LIG1: variants seen among roughly 807,000 people sequenced by gnomAD.
The protein encoded by LIG1 is DNA ligase 1.
In LIG1, 70 loss-of-function variants were observed where a neutral mutation model predicts 115.7. The ratio of observed to expected loss-of-function variants is 0.60; its 90% CI spans 0.50 to 0.74. The LOEUF is 0.74. Ranked by LOEUF, LIG1 falls within the 30% of genes least tolerant of loss-of-function variation. The pLI is 0.00. For missense variants in LIG1, 1,115 were observed against 1,225.6 expected, an observed-to-expected ratio of 0.91 and a Z score of 1.35; for synonymous variants, 487 against 495.3, an observed-to-expected ratio of 0.98 and a Z score of 0.22.
intron 5 of LIG1, among the ~76,000 whole-genome samples, chr19:48,156,161 G>A (rs150982109): frequency 6.6e-6 from 1 of 151,984 alleles, no homozygotes; most frequent in East Asian, 1.9e-4. Context: ...CGCTCTACAC[G>A]CCAGCACACC....
In LIG1 at chr19:48,170,288, G is replaced by T. The variant is rs1056682332; in HGVS notation, c.-105C>A. On this transcript the variant is annotated 5_prime_UTR_variant, in exon 1 of 28. Coordinates refer to ENST00000263274, the MANE Select transcript of LIG1 (RefSeq NM_000234.3). ...CTGCCCGGGCAACACACTCAGATCC[G>T]CCAGGCGCGCCTCTGCAGTCCCAAG... is the stretch of plus-strand genomic sequence containing the variant. 2.2e-6 allele frequency: 1 copy of T among 454,098 alleles called. No individual in the cohort carries two copies. Among genetic ancestry groups the T allele is most frequent in the Non-Finnish European group, 4.4e-6 (1 of 225,814 alleles). 28.1% of individuals were successfully genotyped at this position (454,098 alleles called of 1,614,324 possible). A position where few individuals can be genotyped will look rare whatever the true frequency, so the allele number is the denominator to read the frequency against.
intron 8 of LIG1, 62 bp from the exon 9 acceptor site, chr19:48,149,903 C>T: frequency 6.4e-7 from 1 of 1,562,932 alleles, no homozygotes; most frequent in Non-Finnish European, 8.8e-7. Context: ...ACCTCCCATC[C>T]ATTCTGCACC....
chr19:48,170,057 AC>A (rs1308802644), intron 1 of LIG1, 183 bp downstream of exon 1: 1 of 361,088 alleles, frequency 2.8e-6, no homozygotes, highest in Non-Finnish European at 5.6e-6. Flanking sequence ...TCTGGGAGAC[AC>A]CTCTCTGCAC....
intron 5 of LIG1, 30 bp from the exon 6 acceptor site, chr19:48,153,997 A>G (rs1323788964): frequency 6.3e-7 from 1 of 1,590,972 alleles, no homozygotes; most frequent in African/African-American, 1.3e-5. Flanking sequence ...GGTGTATCTG[A>G]CCTCGCTGGC....
intron 21 of LIG1, 129 bp downstream of exon 21, chr19:48,127,148 C>A: frequency 1.3e-6 from 1 of 779,082 alleles, no homozygotes; most frequent in Non-Finnish European, 2.3e-6. Flanking sequence ...TTGAGAACTG[C>A]TGCCCAAGTG....
rs549831617 is a variant in LIG1 at position 48,137,049 on chromosome 19, G to C, written c.1290C>G (p.Leu430=). ...CTTCTGAGTGGCGGCAGGCCACAAAGAGGCCTTTGATGATGTCTATCTTCT... is the reference window on the plus strand; with the variant it reads ...CTTCTGAGTGGCGGCAGGCCACAAACAGGCCTTTGATGATGTCTATCTTCT... ...TAKKIDIIKG[L]FVACRHSEAR... The change falls in exon 14 of 28, where the codon CTC becomes CTG. Residue 430 remains leucine (L), a synonymous_variant. Transcript: ENST00000263274. The surrounding 1 kb of genome is among the most constrained non-coding windows in gnomAD (Gnocchi z 4.3). 2.8e-4 allele frequency: 446 copies of C among 1,612,336 alleles called. 6 individuals are homozygous for C. The South Asian group carries it at 4.5e-3, about 16-fold the overall frequency.
chr19:48,117,988 G>C (rs56237092), intron 25 of LIG1: 80 of 613,040 alleles, frequency 1.3e-4, no homozygotes, highest in South Asian at 5.4e-4. Flanking sequence ...TGAAAGAAGG[G>C]AAAAGAAACA....
At chr19:48,117,860 G>A (rs1290706201) in intron 25 of LIG1, 79 bp from the exon 26 acceptor site, 2 of 1,515,906 alleles carry the variant, frequency 1.3e-6, no homozygotes, top group South Asian at 1.2e-5. Context: ...GCTGGGGAGA[G>A]GGAGGAAGGG....
In LIG1 at chr19:48,127,951, G is replaced by A; in HGVS notation, c.1891C>T (p.Gln631Ter). 1.2e-6 allele frequency: 2 copies of A among 1,614,200 alleles called. No homozygotes were observed. Among genetic ancestry groups the A allele is most frequent in the Non-Finnish European group, 1.7e-6 (2 of 1,180,046 alleles). The change falls in exon 20 of 28, where the codon CAG (glutamine) becomes TAG (stop). Residue 631 changes from glutamine to a stop codon, truncating the protein, a stop_gained. Transcript: ENST00000263274. LOFTEE classifies it high-confidence loss of function. Reference sequence around the variant, plus strand: ...GTGAGCACTTGGAATGGCTGGATCTGCTTCTTTTCCCGGTCCCAAGCCACG... The same window carrying A: ...GTGAGCACTTGGAATGGCTGGATCTACTTCTTTTCCCGGTCCCAAGCCACG... The part of the protein sequence containing the change: ...EAVAWDREKK[Q>*]IQPFQVLTTR...
At chr19:48,154,257 G>A (rs1042305460) in intron 5 of LIG1, 19 of 394,856 alleles carry the variant, frequency 4.8e-5, no homozygotes, top group Admixed American at 1.1e-4. Flanking sequence ...GCACAGTACC[G>A]ATTCCAGCAG....
intron 11 of LIG1, among the ~76,000 whole-genome samples, chr19:48,142,931 T>C (rs1301004527): frequency 1.3e-5 from 2 of 152,192 alleles, no homozygotes; most frequent in Admixed American, 6.5e-5. Flanking sequence ...CATGAGCCAC[T>C]GCACCCAGCC....
chr19:48,130,356 G>A (rs1416908863), intron 19 of LIG1, among the ~76,000 whole-genome samples: 1 of 152,212 alleles, frequency 6.6e-6, no homozygotes, highest in Non-Finnish European at 1.5e-5. Flanking sequence ...TTTAATTAGG[G>A]GCAGGCAAAG....
chr19:48,159,300 G>A (rs944982992), intron 4 of LIG1, among the ~76,000 whole-genome samples: 2 of 152,192 alleles, frequency 1.3e-5, no homozygotes, highest in African/African-American at 4.8e-5. Flanking sequence ...TCGAACTTCT[G>A]ACCTCGTGAT....
At chr19:48,124,146 C>T (rs1350972873) in intron 21 of LIG1, among the ~76,000 whole-genome samples, 1 of 152,206 alleles carries the variant, frequency 6.6e-6, no homozygotes, top group Non-Finnish European at 1.5e-5. Context: ...TTGCTCAGGG[C>T]TTCTCTGTGA....
intron 2 of LIG1, among the ~76,000 whole-genome samples, chr19:48,163,813 C>T (rs2036323977): frequency 6.6e-6 from 1 of 151,892 alleles, no homozygotes; most frequent in Admixed American, 6.6e-5. Flanking sequence ...GGTGTGGTGG[C>T]AGGCGCCTGT....
chr19:48,169,484 A>T (rs1457901176), intron 1 of LIG1: 1 of 152,318 alleles, frequency 6.6e-6, no homozygotes, highest in Non-Finnish European at 1.5e-5. Flanking sequence ...TTTCAAAATA[A>T]AAAGTAAAAA....
At chr19:48,139,947 C>T (rs749803117) in intron 12 of LIG1, 24 bp downstream of exon 12, 6 of 1,613,378 alleles carry the variant, frequency 3.7e-6, no homozygotes, top group Non-Finnish European at 3.4e-6. Context: ...TCCTTCTGGT[C>T]CCTCCAACCA....
chr19:48,136,047 C>A lies in LIG1; in HGVS notation c.1410G>T (p.Thr470=), dbSNP rs756193150. 19 of 1,565,920 alleles carry A rather than the reference C, an allele frequency of 1.2e-5. No homozygotes were observed. The highest frequency in any genetic ancestry group is 1.5e-5 in the Non-Finnish European group (17 of 1,155,994). ...LAALSQAVSL[T]PPGQEFPPAM... ...ACAGGAGCTCACCTTGGCCCGGGGG[C>A]GTGAGGCTCACTGCCTGGGAGAGGG... The change falls in exon 15 of 28, where the codon ACG becomes ACT. Residue 470 remains threonine, a synonymous_variant. Coordinates refer to ENST00000263274, the MANE Select transcript of LIG1 (RefSeq NM_000234.3).
rs963224100 is a variant in LIG1 at position 48,143,869 on chromosome 19, G to A, written c.857+14C>T. 1.9e-6 allele frequency: 3 copies of A among 1,606,726 alleles called. No individual in the cohort carries two copies. Among genetic ancestry groups the A allele is most frequent in the East Asian group, 4.5e-5 (2 of 44,850 alleles). ...GGACCGGAGGGGGACAGTCTGAAAA[G>A]GGAGAAACCTCACTTCTGGCCCGGT... is the stretch of plus-strand genomic sequence containing the variant. On this transcript the variant is annotated intron_variant, in intron 10 of 27. Transcript: ENST00000263274.
Sources: gnomAD v4.1 joint callset for allele counts (sites outside exome capture counted in the v4.1 genomes callset) on GRCh38, gnomAD v4.1.1 for gene constraint, Gnocchi (gnomAD v3.1) non-coding constraint, MANE v1.5 for transcripts, NCBI Gene and HGNC (gene_info 2026-07-23, HGNC 2026-07-21) for gene names.